Variants in LDLRAD4 observed in about 807,000 individuals in gnomAD.
LDLRAD4 encodes low-density lipoprotein receptor class A domain-containing protein 4.
In LDLRAD4, 5 loss-of-function variants were observed where a neutral mutation model predicts 17.0. That is an observed-to-expected ratio of 0.29 (90% CI 0.15 to 0.62). The LOEUF is 0.62. Ranked by LOEUF, LDLRAD4 falls within the 20% of genes least tolerant of loss-of-function variation. The pLI is 0.84. For synonymous variants in LDLRAD4, 168 were observed against 171.8 expected, an observed-to-expected ratio of 0.98 and a Z score of 0.17; for missense variants, 340 against 424.7, an observed-to-expected ratio of 0.80 and a Z score of 1.75.
At chr18:13,393,785 G>A (rs942564389) in intron 2 of LDLRAD4, among the ~76,000 whole-genome samples, 1 of 152,178 alleles carries the variant, frequency 6.6e-6, no homozygotes, top group African/African-American at 2.4e-5. Flanking sequence ...GGCCCCCAGA[G>A]TTGCCTTCCT....
At chr18:13,270,184 A>C (rs1294663605) in intron 1 of LDLRAD4, among the ~76,000 whole-genome samples, 2 of 152,000 alleles carry the variant, frequency 1.3e-5, no homozygotes, top group African/African-American at 4.8e-5. Flanking sequence ...GCAACACAGC[A>C]AGATCCTGAT....
intron 3 of LDLRAD4, among the ~76,000 whole-genome samples, chr18:13,535,327 A>C (rs139300997): frequency 1.5e-4 from 23 of 152,280 alleles, no homozygotes; most frequent in Non-Finnish European, 2.8e-4. Flanking sequence ...TCTCATCAAC[A>C]CTTGATATTA....
intron 1 of LDLRAD4, among the ~76,000 whole-genome samples, chr18:13,349,040 GC>G: frequency 6.6e-6 from 1 of 152,146 alleles, no homozygotes; most frequent in East Asian, 1.9e-4. Context: ...GCGATGCCTC[GC>G]CCTGCTTTGG....
At chr18:13,537,451 G>T (rs562996839) in intron 3 of LDLRAD4, among the ~76,000 whole-genome samples, 1 of 152,290 alleles carries the variant, frequency 6.6e-6, no homozygotes, top group South Asian at 2.1e-4. Context: ...CTCATAAGGA[G>T]CATGCAACCT....
intron 3 of LDLRAD4, among the ~76,000 whole-genome samples, chr18:13,548,268 C>T (rs1273705722): frequency 7.5e-6 from 1 of 133,712 alleles, no homozygotes; most frequent in African/African-American, 2.8e-5. Context: ...CGTAAGTTCT[C>T]ACTCTGGCCA....
chr18:13,529,877 GGAAGAGGTTCCGTTTT>G (rs1426041808), intron 3 of LDLRAD4, among the ~76,000 whole-genome samples: 2 of 152,126 alleles, frequency 1.3e-5, no homozygotes, highest in African/African-American at 2.4e-5. Flanking sequence ...CCACCGAGGT[GGAAGAGGTTCCGTTTT>G]GAAGCACTGT....
At chr18:13,236,688 G>A (rs1036915344) in intron 1 of LDLRAD4, among the ~76,000 whole-genome samples, 1 of 152,072 alleles carries the variant, frequency 6.6e-6, no homozygotes, top group Non-Finnish European at 1.5e-5. Flanking sequence ...TGTGGGGCTC[G>A]GTCCGTGTTT....
intron 1 of LDLRAD4, among the ~76,000 whole-genome samples, chr18:13,271,691 TGACGC>T (rs1468442890): frequency 6.6e-6 from 1 of 152,180 alleles, no homozygotes; most frequent in Non-Finnish European, 1.5e-5. Flanking sequence ...CTGGAATTTT[TGACGC>T]GCAGGAGGTG....
intron 2 of LDLRAD4, among the ~76,000 whole-genome samples, chr18:13,403,005 A>C (rs2087366610): frequency 6.6e-6 from 1 of 152,254 alleles, no homozygotes; most frequent in Non-Finnish European, 1.5e-5. Flanking sequence ...TCTTATGCTG[A>C]AATAGTATGT....
At chr18:13,316,519 T>TGCAGAGCCACGTAAACA (rs2080942372) in intron 1 of LDLRAD4, among the ~76,000 whole-genome samples, 1 of 152,140 alleles carries the variant, frequency 6.6e-6, no homozygotes, top group Non-Finnish European at 1.5e-5. Context: ...TAGGAGGGAA[T>TGCAGAGCCACGTAAACA]GCAGAGCCAC....
At chr18:13,332,221 A>G (rs1037645786) in intron 1 of LDLRAD4, among the ~76,000 whole-genome samples, 3 of 152,226 alleles carry the variant, frequency 2.0e-5, no homozygotes, top group Admixed American at 1.3e-4. Context: ...AAAACACAAA[A>G]CATTCTTTTT....
intron 3 of LDLRAD4, among the ~76,000 whole-genome samples, chr18:13,620,340 C>T (rs2040507602): frequency 6.6e-6 from 1 of 152,230 alleles, no homozygotes; most frequent in African/African-American, 2.4e-5. Flanking sequence ...TCCCCGAGCC[C>T]CTTGCTCTGA....
At chr18:13,504,646 C>T (rs1415357843) in intron 3 of LDLRAD4, among the ~76,000 whole-genome samples, 2 of 152,148 alleles carry the variant, frequency 1.3e-5, no homozygotes, top group African/African-American at 4.8e-5. Context: ...CAGGCTGGAC[C>T]CAAACTCCTC....
intron 1 of LDLRAD4, among the ~76,000 whole-genome samples, chr18:13,386,622 G>A (rs941517423): frequency 1.4e-4 from 22 of 152,010 alleles, no homozygotes; most frequent in African/African-American, 5.1e-4. Flanking sequence ...CTCCCGCCTC[G>A]GCCTCCCAAA....
At chr18:13,332,868 A>G (rs111952462) in intron 1 of LDLRAD4, among the ~76,000 whole-genome samples, 1,884 of 152,218 alleles carry the variant, frequency 0.012, 19 homozygotes, top group African/African-American at 0.034. Context: ...TAAAGCTGCT[A>G]TAAGTGTCCG....
intron 1 of LDLRAD4, among the ~76,000 whole-genome samples, chr18:13,324,200 C>A (rs527932767): frequency 6.6e-6 from 1 of 150,908 alleles, no homozygotes; most frequent in South Asian, 2.1e-4. Context: ...TGCAGTGGCA[C>A]GATCTCGGCT....
intron 1 of LDLRAD4, among the ~76,000 whole-genome samples, chr18:13,361,009 T>A (rs895864748): frequency 2.0e-5 from 3 of 152,196 alleles, no homozygotes; most frequent in African/African-American, 7.2e-5. Flanking sequence ...CACCAAATAT[T>A]TGGGTATTGC....
intron 1 of LDLRAD4, among the ~76,000 whole-genome samples, 171 bp downstream of exon 1, chr18:13,219,159 G>A (rs2041307852): frequency 6.6e-6 from 1 of 151,720 alleles, no homozygotes; most frequent in South Asian, 2.1e-4. Flanking sequence ...GTGGGTGGGC[G>A]GCACTGGGGG....
At chr18:13,280,472 G>A (rs771823800) in intron 1 of LDLRAD4, among the ~76,000 whole-genome samples, 1 of 152,170 alleles carries the variant, frequency 6.6e-6, no homozygotes, top group Non-Finnish European at 1.5e-5. Flanking sequence ...TCTGTGTGCT[G>A]GGGGGATTGG....
Sources: gnomAD v4.1 joint callset for allele counts (sites outside exome capture counted in the v4.1 genomes callset) on GRCh38, gnomAD v4.1.1 for gene constraint, MANE v1.5 for transcripts, NCBI Gene and HGNC (gene_info 2026-07-23, HGNC 2026-07-21) for gene names.